The following TENM3 variants were observed in gnomAD, a reference collection of about 807,000 sequenced individuals.
TENM3 encodes the protein teneurin-3.
A neutral mutation model predicts 255.1 loss-of-function variants in TENM3; 63 were observed. That is an observed-to-expected ratio of 0.25 (90% CI 0.20 to 0.30). The LOEUF (loss-of-function observed/expected upper bound fraction) is 0.30, where lower values mean the gene tolerates loss of function less well. Among genes scored for constraint, TENM3 ranks in the 10% least tolerant of loss-of-function variants. The pLI, the probability that TENM3 is intolerant of heterozygous loss-of-function variation, is 1.00. For synonymous variants in TENM3, 1,306 were observed against 1,322.3 expected (o/e 0.99, Z 0.27); for missense variants, 2,929 against 3,461.1 (o/e 0.85, Z 3.86).
the TENM3 span, among the ~76,000 whole-genome samples, chr4:181,637,439 A>C: frequency 4.6e-5 from 7 of 152,178 alleles, no homozygotes; most frequent in Non-Finnish European, 1.0e-4. Context: ...AAGCCAGAAA[A>C]TGACACACGT....
At chr4:182,449,075 C>T (rs1773207612) in intron 3 of TENM3, 2 of 320,690 alleles carry the variant, frequency 6.2e-6, no homozygotes, top group South Asian at 4.3e-5. Context: ...GAGGGCGCGC[C>T]GCGGCAAGGT....
rs185127957 is a variant in TENM3 at position 182,405,308 on chromosome 4, T to C, written c.511+58379T>C. Among the ~76,000 whole-genome samples, 499 of 152,304 alleles carry C rather than the reference T, an allele frequency of 3.3e-3. 9 individuals are homozygous for C. The highest frequency in any genetic ancestry group is 2.1e-3 in the East Asian group (11 of 5,178). On this transcript the variant is annotated intron_variant, in intron 3 of 27. Transcript: ENST00000511685. ...TACTCACAGTAGATGTTGCGTAATT[T>C]TGGTGAGAGAAAGAACCCAAACCAA...
rs551298493 is a variant in TENM3, at chr4:182,216,734, T to C, written c.-76+71980T>C. Among the ~76,000 whole-genome samples the C allele has an allele frequency of 1.1e-4, 16 of 152,340 alleles. No individual in the cohort carries two copies. The South Asian group carries it at 3.3e-3, about 32-fold the overall frequency. ...ACAGTTGAATTCCTAGATTCTAGCA[T>C]TGTGGTGTTCAATAAATGTTGAACT... On this transcript the variant is annotated intron_variant, in intron 1 of 2. Coordinates refer to the TENM3 transcript ENST00000512480.
At chr4:181,528,624 T>A in the TENM3 span, among the ~76,000 whole-genome samples, 7 of 152,232 alleles carry the variant, frequency 4.6e-5, no homozygotes, top group Non-Finnish European at 1.0e-4. Context: ...CGAGGTAGGT[T>A]GAATTATTCA....
At chr4:182,160,864 G>A (rs947079769) in intron 1 of TENM3, among the ~76,000 whole-genome samples, 4 of 152,188 alleles carry the variant, frequency 2.6e-5, no homozygotes, top group Admixed American at 2.6e-4. Context: ...TATTTGAAGT[G>A]AGGGAAATGC....
the TENM3 span, among the ~76,000 whole-genome samples, chr4:181,706,833 G>T: frequency 2.0e-5 from 3 of 152,132 alleles, no homozygotes. Flanking sequence ...TCTCCATCGC[G>T]GGGCCGTCTT....
chr4:181,928,681 C>A, the TENM3 span, among the ~76,000 whole-genome samples: 1 of 152,062 alleles, frequency 6.6e-6, no homozygotes, highest in Admixed American at 6.6e-5. Context: ...ATAAAGAGAA[C>A]ACCACAAAGA....
chr4:182,561,181 G>A (rs555896598), intron 3 of TENM3, among the ~76,000 whole-genome samples: 1 of 151,702 alleles, frequency 6.6e-6, no homozygotes, highest in African/African-American at 2.4e-5. Flanking sequence ...ACATTGATGG[G>A]AATTTATAAA....
chr4:182,423,987 A>G (rs1236454108), intron 3 of TENM3, among the ~76,000 whole-genome samples: 1 of 152,212 alleles, frequency 6.6e-6, no homozygotes, highest in Admixed American at 6.5e-5. Flanking sequence ...GGGAAAAACT[A>G]AGACAGGATT....
At chr4:182,323,475 T>C (rs1488644424) in intron 1 of TENM3, among the ~76,000 whole-genome samples, 2 of 151,624 alleles carry the variant, frequency 1.3e-5, no homozygotes, top group Non-Finnish European at 2.9e-5. Flanking sequence ...TGGCAAGAAT[T>C]TCCCAATTTG....
At chr4:181,772,045 A>G in the TENM3 span, among the ~76,000 whole-genome samples, 2 of 152,182 alleles carry the variant, frequency 1.3e-5, no homozygotes, top group Non-Finnish European at 2.9e-5. Flanking sequence ...GTACTGTATA[A>G]CAGGTATTAT....
chr4:181,483,096 G>A, the TENM3 span, among the ~76,000 whole-genome samples: 1 of 152,118 alleles, frequency 6.6e-6, no homozygotes, highest in African/African-American at 2.4e-5. Context: ...GTTCTTCTCT[G>A]AAACAAGTGT....
the TENM3 span, among the ~76,000 whole-genome samples, chr4:181,577,596 A>T: frequency 6.6e-6 from 1 of 152,124 alleles, no homozygotes; most frequent in Non-Finnish European, 1.5e-5. Flanking sequence ...ACTTGTCTCC[A>T]TCCCTATACA....
At chr4:182,618,815 C>T (rs1488000327) in intron 4 of TENM3, among the ~76,000 whole-genome samples, 1 of 152,006 alleles carries the variant, frequency 6.6e-6, no homozygotes, top group African/African-American at 2.4e-5. Flanking sequence ...TTTGCATCTG[C>T]TAAGCAGGTT....
At chr4:181,456,173 A>G in the TENM3 span, among the ~76,000 whole-genome samples, 1 of 130,806 alleles carries the variant, frequency 7.6e-6, no homozygotes, top group Non-Finnish European at 1.6e-5. Flanking sequence ...ATGTGTGTGT[A>G]TATATGTATA....
At chr4:181,815,722 T>G in the TENM3 span, among the ~76,000 whole-genome samples, 2 of 152,244 alleles carry the variant, frequency 1.3e-5, no homozygotes, top group South Asian at 4.1e-4. Flanking sequence ...GGGTGGGGGT[T>G]GCTTAGATGA....
intron 3 of TENM3, among the ~76,000 whole-genome samples, chr4:182,521,178 G>A (rs1270914119): frequency 6.6e-6 from 1 of 152,168 alleles, no homozygotes; most frequent in East Asian, 1.9e-4. Flanking sequence ...GAAGTATCAT[G>A]CACTCTGTAG....
chr4:182,240,028 T>C (rs1224077589), upstream of TENM3, among the ~76,000 whole-genome samples: 1 of 152,196 alleles, frequency 6.6e-6, no homozygotes, highest in African/African-American at 2.4e-5. Flanking sequence ...ATAACAGTTG[T>C]AGAGTAGTGA....
the TENM3 span, among the ~76,000 whole-genome samples, chr4:181,632,923 G>A: frequency 6.6e-6 from 1 of 152,176 alleles, no homozygotes; most frequent in Non-Finnish European, 1.5e-5. Flanking sequence ...TAAAATAAGT[G>A]TCGTCTTGGG....
Sources: gnomAD v4.1 joint callset for allele counts (sites outside exome capture counted in the v4.1 genomes callset) on GRCh38, gnomAD v4.1.1 for gene constraint, MANE v1.5 for transcripts, NCBI Gene and HGNC (gene_info 2026-07-23, HGNC 2026-07-21) for gene names.